SLC36A1: variants seen among roughly 807,000 people sequenced by gnomAD.
SLC36A1 encodes solute carrier family 36 member 1.
SLC36A1 carries 30 observed loss-of-function variants against 47.5 expected under a neutral mutation model. The observed-to-expected ratio is 0.63, with a 90% CI of 0.47 to 0.86. The LOEUF is 0.86. SLC36A1 is among the 40% of genes least tolerant of loss of function. The pLI is 0.00. For synonymous variants in SLC36A1, 255 were observed against 249.7 expected (o/e 1.02, Z -0.20); for missense variants, 517 against 606.0 (o/e 0.85, Z 1.54).
the SLC36A1 span, among the ~76,000 whole-genome samples, chr5:151,551,976 G>GGTGTGTGTGTGT: frequency 4.9e-4 from 70 of 143,648 alleles, no homozygotes; most frequent in East Asian, 1.8e-3. Context: ...TAACCCTAAG[G>GGTGTGTGTGTGT]GTGTGTGTGT....
At chr5:151,396,261 C>T in the SLC36A1 span, among the ~76,000 whole-genome samples, 2 of 152,096 alleles carry the variant, frequency 1.3e-5, no homozygotes, top group East Asian at 3.9e-4. Flanking sequence ...TGCATGTGTG[C>T]ACCACCATGC....
At chr5:151,492,886 T>C (rs893662855), downstream of SLC36A1, among the ~76,000 whole-genome samples, 33 of 152,334 alleles carry the variant, frequency 2.2e-4, no homozygotes, top group African/African-American at 7.9e-4. Flanking sequence ...GCCTCCAGAC[T>C]GCAGCATCAG....
the SLC36A1 span, among the ~76,000 whole-genome samples, chr5:151,394,165 A>G: frequency 6.6e-6 from 1 of 152,186 alleles, no homozygotes; most frequent in African/African-American, 2.4e-5. Flanking sequence ...ATCTTCAGTC[A>G]CTGATACCCT....
chr5:151,399,082 ATATTT>A, the SLC36A1 span, among the ~76,000 whole-genome samples: 35 of 89,076 alleles, frequency 3.9e-4, no homozygotes, highest in African/African-American at 1.8e-3. Flanking sequence ...ATATATATAT[ATATTT>A]TTTTTTTTTT....
At chr5:151,417,958 A>G in the SLC36A1 span, among the ~76,000 whole-genome samples, 2 of 152,256 alleles carry the variant, frequency 1.3e-5, no homozygotes, top group African/African-American at 4.8e-5. Context: ...TGCTTTGTGA[A>G]GTCTCAAGAC....
chr5:151,405,547 T>C, the SLC36A1 span, among the ~76,000 whole-genome samples: 1 of 152,086 alleles, frequency 6.6e-6, no homozygotes, highest in Non-Finnish European at 1.5e-5. Context: ...CTTGCCGTTC[T>C]ATATCCGTCA....
chr5:151,426,541 C>G, the SLC36A1 span, among the ~76,000 whole-genome samples: 1 of 152,088 alleles, frequency 6.6e-6, no homozygotes, highest in African/African-American at 2.4e-5. Flanking sequence ...GTATTGCCAC[C>G]AGCATGTCTC....
At chr5:151,415,663 C>CT in the SLC36A1 span, among the ~76,000 whole-genome samples, 2 of 152,144 alleles carry the variant, frequency 1.3e-5, no homozygotes, top group Admixed American at 6.5e-5. Flanking sequence ...GAGATTGTGT[C>CT]TATTTTGTTT....
At chr5:151,518,450 A>G in the SLC36A1 span, among the ~76,000 whole-genome samples, 2 of 152,060 alleles carry the variant, frequency 1.3e-5, no homozygotes, top group Non-Finnish European at 2.9e-5. Context: ...TTTATTCTAC[A>G]TAGTTTCCAT....
chr5:151,428,624 T>A, the SLC36A1 span, among the ~76,000 whole-genome samples: 7 of 152,068 alleles, frequency 4.6e-5, no homozygotes, highest in Non-Finnish European at 1.0e-4. Context: ...TAAAGAGCAT[T>A]TCCTTACTCT....
chr5:151,537,274 TGGTGGAGGA>T, the SLC36A1 span, among the ~76,000 whole-genome samples: 1 of 134,334 alleles, frequency 7.4e-6, no homozygotes, highest in African/African-American at 2.9e-5. Flanking sequence ...ACGATGGTGG[TGGTGGAGGA>T]GGAGGAGGAG....
intron 10 of SLC36A1, among the ~76,000 whole-genome samples, chr5:151,485,250 A>G (rs769301495): frequency 1.3e-5 from 2 of 152,194 alleles, no homozygotes; most frequent in Admixed American, 6.5e-5. Context: ...ATCGGTGAAG[A>G]TGTTAATGAG....
At chr5:151,398,717 AG>A in the SLC36A1 span, among the ~76,000 whole-genome samples, 1 of 152,222 alleles carries the variant, frequency 6.6e-6, no homozygotes, top group African/African-American at 2.4e-5. Context: ...AAAGAGCAAC[AG>A]GGGAAGAATT....
At chr5:151,517,492 A>G in the SLC36A1 span, 1 of 1,177,816 alleles carries the variant, frequency 8.5e-7, no homozygotes, top group Non-Finnish European at 1.2e-6. Flanking sequence ...AGTCACACCC[A>G]GAATCCCTGA....
the SLC36A1 span, chr5:151,534,537 G>C: frequency 6.2e-7 from 1 of 1,613,986 alleles, no homozygotes; most frequent in Non-Finnish European, 8.5e-7. Flanking sequence ...CACATGGAGG[G>C]TGATGTCTGC....
the SLC36A1 span, chr5:151,512,285 C>T: frequency 6.2e-7 from 1 of 1,614,228 alleles, no homozygotes; most frequent in East Asian, 2.2e-5. The surrounding 1 kb of genome is among the most constrained non-coding windows in gnomAD (Gnocchi z 4.1). Flanking sequence ...ACCGTCTTGC[C>T]AGGGGCCAGC....
chr5:151,354,615 C>T, the SLC36A1 span, among the ~76,000 whole-genome samples: 1 of 152,144 alleles, frequency 6.6e-6, no homozygotes, highest in Non-Finnish European at 1.5e-5. Flanking sequence ...TCCCTGGGGC[C>T]CTGTCCCTCA....
chr5:151,538,517 T>C, the SLC36A1 span, among the ~76,000 whole-genome samples: 1 of 152,228 alleles, frequency 6.6e-6, no homozygotes, highest in Non-Finnish European at 1.5e-5. Flanking sequence ...CGTCATGGCA[T>C]CTGAGGGAGT....
At chr5:151,477,158 C>T (rs778073053) in intron 9 of SLC36A1, among the ~76,000 whole-genome samples, 7 of 152,220 alleles carry the variant, frequency 4.6e-5, no homozygotes, top group Non-Finnish European at 1.0e-4. Context: ...GAGCATCTCA[C>T]TGTGAGCCGG....
Sources: gnomAD v4.1 joint callset for allele counts (sites outside exome capture counted in the v4.1 genomes callset) on GRCh38, gnomAD v4.1.1 for gene constraint, Gnocchi (gnomAD v3.1) non-coding constraint, MANE v1.5 for transcripts, NCBI Gene and HGNC (gene_info 2026-07-23, HGNC 2026-07-21) for gene names.